Variants in METTL22 observed in about 807,000 individuals in gnomAD.
METTL22 encodes the protein methyltransferase 22, Kin17 lysine.
METTL22 carries 51 observed loss-of-function variants against 48.4 expected under a neutral mutation model. The observed-to-expected ratio is 1.05, with a 90% CI of 0.84 to 1.33. METTL22 has a LOEUF of 1.33. METTL22 is among the 40% of genes most tolerant of loss of function. METTL22 has a pLI of 0.00. For missense variants in METTL22, 678 were observed against 526.9 expected, an observed-to-expected ratio of 1.29 and a Z score of -2.81; for synonymous variants, 255 against 214.1, an observed-to-expected ratio of 1.19 and a Z score of -1.67.
chr16:8,642,479 C>G lies in METTL22; in HGVS notation c.924C>G (p.Asp308Glu), dbSNP rs779155854. Residue 308 changes from aspartate (D) to glutamate (E), a missense_variant, in exon 9 of 11, where the codon GAC becomes GAG. Asp to Glu is a conservative substitution (Grantham distance 45). Transcript: ENST00000381920. ...LFAAEVFYDD[D>E]LTDAVFKTLS... ...TTCCCACAGTGTTTTACGACGACGA[C>G]TTGACTGATGCTGTGTTTAAAACGC... 1.2e-6 allele frequency: 2 copies of G among 1,614,228 alleles called. No homozygotes were observed. The highest frequency in any genetic ancestry group is 1.1e-5 in the South Asian group (1 of 91,088).
At chr16:8,632,671 G>A (rs1007799055) in intron 3 of METTL22, among the ~76,000 whole-genome samples, 5 of 152,188 alleles carry the variant, frequency 3.3e-5, no homozygotes, top group Non-Finnish European at 5.9e-5. Context: ...TCTCAGAAGC[G>A]CTGTCTGGTT....
chr16:8,651,376 G>A (rs529221709), downstream of METTL22, among the ~76,000 whole-genome samples: 55 of 4,434 alleles, frequency 0.012, no homozygotes, highest in Admixed American at 0.16. Flanking sequence ...AACAGAGCAA[G>A]ACTCTGTCTC....
At position 8,634,968 on chromosome 16, in the gene METTL22, G is replaced by A. The variant is rs887359671; in HGVS notation, c.515-71G>A. The A allele has an allele frequency of 3.1e-5, 50 of 1,603,780 alleles. 1 individual carries two copies. In the South Asian group the frequency reaches 4.7e-4, roughly 15 times the overall value. On this transcript the variant is annotated intron_variant, in intron 3 of 10. Transcript: ENST00000381920. ...TGACCGTGCTGGCGGTTGCCACACT[G>A]TCCTGTCTTGTGGTTTTCTGTCCAT...
At chr16:8,645,965 C>T (rs36160442) in intron 10 of METTL22, 143 bp from the exon 11 acceptor site, 1,246,375 of 1,408,470 alleles carry the variant, frequency 0.88, 551,640 homozygotes, top group East Asian at 1. Context: ...AGGAAGCCGC[C>T]CGTCCGCTCC....
the METTL22 span, among the ~76,000 whole-genome samples, chr16:8,664,536 C>G: frequency 1.3e-5 from 2 of 152,140 alleles, no homozygotes; most frequent in Non-Finnish European, 2.9e-5. Context: ...TCACTACAGC[C>G]TCAGCCTCTC....
chr16:8,637,983 CA>C (rs56246164), intron 5 of METTL22, among the ~76,000 whole-genome samples: 2 of 142,756 alleles, frequency 1.4e-5, no homozygotes, highest in African/African-American at 5.2e-5. Flanking sequence ...ACTAAAAATA[CA>C]AAAAAAAAAA....
chr16:8,664,946 C>A, the METTL22 span, among the ~76,000 whole-genome samples: 10 of 152,212 alleles, frequency 6.6e-5, 1 homozygote, highest in African/African-American at 1.9e-4. Flanking sequence ...CACTGTATCA[C>A]CCTGCTTTAA....
chr16:8,642,026 C>T (rs2056633585), intron 7 of METTL22, 101 bp from the exon 8 acceptor site: 3 of 899,406 alleles, frequency 3.3e-6, no homozygotes, highest in Admixed American at 1.8e-5. Context: ...CTACCCCCAG[C>T]CCTGTTTCTT....
the METTL22 span, among the ~76,000 whole-genome samples, chr16:8,665,804 C>A: frequency 1.3e-5 from 2 of 152,146 alleles, no homozygotes; most frequent in African/African-American, 4.8e-5. Context: ...CTGGAATAGA[C>A]CATTTAGGAG....
At chr16:8,632,664 C>T (rs889347772) in intron 3 of METTL22, among the ~76,000 whole-genome samples, 2 of 152,320 alleles carry the variant, frequency 1.3e-5, no homozygotes, top group Admixed American at 1.3e-4. Flanking sequence ...TGTGCTCTCT[C>T]AGAAGCGCTG....
At chr16:8,638,369 T>C (rs1027316572) in intron 5 of METTL22, among the ~76,000 whole-genome samples, 4 of 152,166 alleles carry the variant, frequency 2.6e-5, no homozygotes, top group African/African-American at 9.7e-5. Context: ...TCCTGTACTT[T>C]CTACATGCAC....
Position 8,644,669 on chromosome 16 carries a change from G to A in METTL22, c.1123G>A (p.Glu375Lys), listed in dbSNP as rs55747257. Residue 375 changes from glutamate to lysine, a missense_variant, in exon 10 of 11, where the codon GAG becomes AAG. Physicochemically the swap from Glu to Lys is moderately conservative, Grantham distance 56. Coordinates refer to ENST00000381920, the MANE Select transcript of METTL22 (RefSeq NM_024109.4). ...AGATGGCAAGCTGCGCTTCGTGGTGGAGCCCGTGGAGGCCTCCTTCCCACA... is the reference window on the plus strand; with the variant it reads ...AGATGGCAAGCTGCGCTTCGTGGTGAAGCCCGTGGAGGCCTCCTTCCCACA... ...LADGKLRFVV[E>K]PVEASFPQLL... is the part of the protein sequence containing the mutation. The A allele has an allele frequency of 6.1e-3, 9,776 of 1,606,232 alleles. 44 individuals are homozygous for A. Among genetic ancestry groups the A allele is most frequent in the Non-Finnish European group, 6.7e-3 (7,835 of 1,176,496 alleles).
rs2056860845 is a variant in METTL22 at position 8,649,511 on chromosome 16, G to T, written c.*3368G>T. ...GGAAAGAACTGTTAAAACCAACAAA[G>T]CCAGGCACAGTGGCTCACACCTGTA... is the stretch of plus-strand genomic sequence containing the variant. On this transcript the variant is annotated 3_prime_UTR_variant, in exon 11 of 11. Transcript: ENST00000381920. 6.6e-6 allele frequency: 1 copy of T among 152,052 alleles called. No homozygotes were observed. The highest frequency in any genetic ancestry group is 2.4e-5 in the African/African-American group (1 of 41,390). 9.4% of individuals were successfully genotyped at this position (152,052 alleles called of 1,614,324 possible).
At chr16:8,622,582 T>C (rs528256494) in intron 1 of METTL22, among the ~76,000 whole-genome samples, 82 of 152,344 alleles carry the variant, frequency 5.4e-4, no homozygotes, top group African/African-American at 1.9e-3. Flanking sequence ...TTTTCCTGAC[T>C]AGAGAAACTG....
intron 5 of METTL22, among the ~76,000 whole-genome samples, chr16:8,637,206 A>G (rs2056449832): frequency 6.6e-6 from 1 of 152,156 alleles, no homozygotes; most frequent in Non-Finnish European, 1.5e-5. Flanking sequence ...TGTTTCTGAG[A>G]TAGGAAGGAA....
At position 8,630,057 on chromosome 16, in the gene METTL22, G is replaced by A. The variant is rs565657744; in HGVS notation, c.514+947G>A. ...GGGAGCGGAGCTGTGATTTGAGGCC[G>A]TTCATTGAGATCCAGGGTCCCCGAT... On this transcript the variant is annotated intron_variant, in intron 3 of 10. Coordinates refer to ENST00000381920, the MANE Select transcript of METTL22 (RefSeq NM_024109.4). Among the ~76,000 whole-genome samples, 27 of 152,200 alleles carry A rather than the reference G, an allele frequency of 1.8e-4. No individual in the cohort carries two copies. The South Asian group carries it at 3.7e-3, about 21-fold the overall frequency.
At chr16:8,625,826 G>A (rs781577508) in intron 2 of METTL22, 28 bp downstream of exon 2, 68 of 1,610,970 alleles carry the variant, frequency 4.2e-5, no homozygotes, top group South Asian at 9.9e-5. Context: ...GGTGCCCTGC[G>A]GATCCTATTT....
At chr16:8,650,126 G>A (rs1224105554), downstream of METTL22, among the ~76,000 whole-genome samples, 1 of 152,164 alleles carries the variant, frequency 6.6e-6, no homozygotes. Flanking sequence ...AGGAGTTTGA[G>A]ATCAGCCTGG....
chr16:8,651,276 A>G (rs922913472), downstream of METTL22, among the ~76,000 whole-genome samples: 54 of 148,698 alleles, frequency 3.6e-4, no homozygotes, highest in African/African-American at 1.3e-3. Context: ...AGTCCCAGCT[A>G]TTCGGGAGGC....
Sources: gnomAD v4.1 joint callset for allele counts (sites outside exome capture counted in the v4.1 genomes callset) on GRCh38, gnomAD v4.1.1 for gene constraint, MANE v1.5 for transcripts, NCBI Gene and HGNC (gene_info 2026-07-23, HGNC 2026-07-21) for gene names.